Variants in MRPL48 observed in about 807,000 individuals in gnomAD.
The protein encoded by MRPL48 is mitochondrial ribosomal protein L48, also known as large ribosomal subunit protein mL48.
Under a neutral mutation model 32.9 loss-of-function variants are expected in MRPL48, and 16 were observed. The ratio of observed to expected loss-of-function variants is 0.49; its 90% CI spans 0.33 to 0.74. The LOEUF is 0.74. Ranked by LOEUF, MRPL48 falls within the 30% of genes least tolerant of loss-of-function variation. MRPL48 has a pLI of 0.02. For synonymous variants in MRPL48, 94 were observed against 89.2 expected (o/e 1.05, Z -0.31); for missense variants, 206 against 245.3 (o/e 0.84, Z 1.07).
At chr11:73,862,375 T>C (rs1948597985) in intron 6 of MRPL48, among the ~76,000 whole-genome samples, 1 of 151,974 alleles carries the variant, frequency 6.6e-6, no homozygotes, top group Non-Finnish European at 1.5e-5. Context: ...TGAGCCAAGA[T>C]TGCACCATTG....
At position 73,844,828 on chromosome 11, in the gene MRPL48, G is replaced by T. The variant is rs766460674; in HGVS notation, c.223G>T (p.Val75Leu). Residue 75 changes from valine (V) to leucine (L), a missense_variant, in exon 5 of 8, where the codon GTG (valine) becomes TTG (leucine). Physicochemically the swap from Val to Leu is conservative, Grantham distance 32. Coordinates refer to ENST00000310614, the MANE Select transcript of MRPL48 (RefSeq NM_016055.6). ...TCAGCCCAAGAAGAAGAAGGGAAAA[G>T]TGGAAGTGAGAGCCATTAATTTGGG... ...AEEPKKKKGK[V>L]EVRAINLGTD... 6.2e-7 allele frequency: 1 copy of T among 1,613,300 alleles called. No individual in the cohort carries two copies. The highest frequency in any genetic ancestry group is 2.2e-5 in the East Asian group (1 of 44,874).
intron 6 of MRPL48, chr11:73,860,450 A>G (rs1425582433): frequency 1.3e-5 from 2 of 152,456 alleles, no homozygotes; most frequent in East Asian, 1.9e-4. Context: ...ATATCCATTC[A>G]TTCACCAAAT....
intron 4 of MRPL48, chr11:73,842,245 C>T (rs531504608): frequency 1.1e-4 from 17 of 152,320 alleles, no homozygotes; most frequent in African/African-American, 4.1e-4. Flanking sequence ...GCCACTGTGC[C>T]TAGCTGATAC....
At chr11:73,805,178 A>G in intron 2 of MRPL48, 99 bp downstream of exon 2, 1 of 1,005,894 alleles carries the variant, frequency 9.9e-7, no homozygotes, top group Non-Finnish European at 1.5e-6. Flanking sequence ...GCATGTCTAT[A>G]AGCACATCAT....
chr11:73,825,827 G>T, intron 4 of MRPL48, 31 bp downstream of exon 4: 1 of 1,527,472 alleles, frequency 6.5e-7, no homozygotes, highest in South Asian at 1.2e-5. Context: ...TTTGGAAAAG[G>T]ATAATGTGCA....
rs1947614251 is a variant in MRPL48, at chr11:73,814,001, A to G, written c.112+5651A>G. ...GCTTGCAGTGAGCCGAGATCTCGCC[A>G]CTGCACTCCAGCCTGAGCGACAGAG... On this transcript the variant is annotated intron_variant, in intron 3 of 7. Transcript: ENST00000310614. Among the ~76,000 whole-genome samples, 3 of 150,050 alleles carry G rather than the reference A, an allele frequency of 2.0e-5. No individual in the cohort carries two copies. The Admixed American group carries it at 2.0e-4, about 10-fold the overall frequency.
intron 4 of MRPL48, among the ~76,000 whole-genome samples, chr11:73,830,321 T>C (rs1348375544): frequency 5.9e-5 from 9 of 152,202 alleles, no homozygotes; most frequent in African/African-American, 1.4e-4. Flanking sequence ...GATTGGATGC[T>C]CCCTTTGTTT....
intron 4 of MRPL48, among the ~76,000 whole-genome samples, chr11:73,833,579 T>C (rs1376969310): frequency 2.0e-5 from 3 of 152,204 alleles, no homozygotes; most frequent in African/African-American, 4.8e-5. Context: ...ATTAAATGAA[T>C]GGATAGAATT....
intron 6 of MRPL48, 106 bp from the exon 7 acceptor site, chr11:73,863,066 C>A: frequency 5.3e-6 from 5 of 950,124 alleles, no homozygotes; most frequent in Non-Finnish European, 6.5e-6. Flanking sequence ...CACGCTTGGG[C>A]TCTCCAGACT....
intron 1 of MRPL48, among the ~76,000 whole-genome samples, chr11:73,791,665 C>T (rs550382896): frequency 5.1e-4 from 78 of 152,206 alleles, no homozygotes; most frequent in Non-Finnish European, 9.6e-4. Flanking sequence ...GTGATCTGCC[C>T]GCCTCGGCCT....
chr11:73,824,976 T>C (rs1947857078), intron 3 of MRPL48, among the ~76,000 whole-genome samples: 1 of 152,164 alleles, frequency 6.6e-6, no homozygotes, highest in East Asian at 1.9e-4. Context: ...TACCACCAAA[T>C]CTTCCCAGTC....
chr11:73,807,631 C>CTTTTTTTTT (rs777408873), intron 2 of MRPL48, among the ~76,000 whole-genome samples: 2 of 106,820 alleles, frequency 1.9e-5, no homozygotes, highest in South Asian at 3.3e-4. Flanking sequence ...GTATTATTAT[C>CTTTTTTTTT]TTTTTTTTTT....
intron 5 of MRPL48, among the ~76,000 whole-genome samples, chr11:73,848,070 C>CA (rs1279022754): frequency 1.3e-5 from 2 of 151,670 alleles, no homozygotes; most frequent in East Asian, 1.9e-4. Context: ...GACCCAGTTG[C>CA]AAAAAAACAT....
chr11:73,831,839 C>CTGAGGCGGGAGAATCGCT (rs1333969397), intron 4 of MRPL48, among the ~76,000 whole-genome samples: 1 of 144,384 alleles, frequency 6.9e-6, no homozygotes, highest in East Asian at 2.1e-4. Flanking sequence ...ACTTGGGAGA[C>CTGAGGCGGGAGAATCGCT]TGAGGCGGGA....
intron 4 of MRPL48, among the ~76,000 whole-genome samples, chr11:73,838,683 G>C (rs761384954): frequency 6.6e-5 from 10 of 152,236 alleles, no homozygotes; most frequent in African/African-American, 9.6e-5. Flanking sequence ...GAAGAGGAGA[G>C]AGCCAAATGC....
intron 5 of MRPL48, among the ~76,000 whole-genome samples, chr11:73,855,023 A>G (rs1309083910): frequency 6.6e-6 from 1 of 152,198 alleles, no homozygotes. Context: ...GGCTACAGTG[A>G]AAATTAAGGG....
chr11:73,805,549 G>T (rs1947433939), intron 2 of MRPL48, among the ~76,000 whole-genome samples: 2 of 151,648 alleles, frequency 1.3e-5, no homozygotes, highest in African/African-American at 4.8e-5. Context: ...GCCTGCCTCG[G>T]CCTCCCAAAT....
chr11:73,799,574 G>A (rs1336384028), intron 1 of MRPL48, among the ~76,000 whole-genome samples: 1 of 152,086 alleles, frequency 6.6e-6, no homozygotes, highest in Non-Finnish European at 1.5e-5. Flanking sequence ...ACTATAAAAT[G>A]CGGTAGAAAT....
chr11:73,863,943 T>G (rs1431941951), intron 7 of MRPL48, among the ~76,000 whole-genome samples: 2 of 152,212 alleles, frequency 1.3e-5, no homozygotes, highest in African/African-American at 4.8e-5. Context: ...TCATGCTGCC[T>G]TAAAACAGTC....
Sources: allele counts gnomAD v4.1 joint callset (sites outside exome capture counted in the v4.1 genomes callset), GRCh38; gene constraint gnomAD v4.1.1; transcripts MANE v1.5; gene names NCBI Gene and HGNC (gene_info 2026-07-23, HGNC 2026-07-21).